Variants in EIPR1 observed in about 807,000 individuals in gnomAD.
EIPR1 encodes EARP and GARP complex-interacting protein 1.
In EIPR1, 25 loss-of-function variants were observed where a neutral mutation model predicts 48.1. That is an observed-to-expected ratio of 0.52 (90% CI 0.38 to 0.73). The LOEUF is 0.73. Among genes scored for constraint, EIPR1 ranks in the 30% least tolerant of loss-of-function variants. EIPR1 has a pLI of 0.00. For missense variants in EIPR1, 415 were observed against 506.2 expected, an observed-to-expected ratio of 0.82 and a Z score of 1.73; for synonymous variants, 204 against 201.9, an observed-to-expected ratio of 1.01 and a Z score of -0.09.
chr2:3,193,183 C>A (rs745997), intron 7 of EIPR1, among the ~76,000 whole-genome samples: 6 of 152,134 alleles, frequency 3.9e-5, no homozygotes, highest in Non-Finnish European at 8.8e-5. Context: ...GCCAGGGGCA[C>A]AGGGAGGCCC....
intron 4 of EIPR1, among the ~76,000 whole-genome samples, chr2:3,228,757 T>C (rs1666146632): frequency 6.6e-6 from 1 of 152,042 alleles, no homozygotes; most frequent in South Asian, 2.1e-4. Context: ...AATGAGTGAG[T>C]CTCATGAGAC....
rs1669939189 is a variant in EIPR1, at chr2:3,332,796, A to G, written c.259+5221T>C. Among the ~76,000 whole-genome samples the G allele has an allele frequency of 4.6e-5, 7 of 152,334 alleles. 2 individuals carry two copies. The South Asian group carries it at 1.2e-3, about 27-fold the overall frequency. Reference sequence around the variant, plus strand: ...TTGTGCTACAACTCCCCCTTCCACCAACTCCAAGAATGTCTTTTTCACAAT... The same window carrying G: ...TTGTGCTACAACTCCCCCTTCCACCGACTCCAAGAATGTCTTTTTCACAAT... On this transcript the variant is annotated intron_variant, in intron 3 of 8. Coordinates refer to ENST00000382125, the MANE Select transcript of EIPR1 (RefSeq NM_003310.5).
chr2:3,330,769 A>T (rs1324661102), intron 3 of EIPR1, among the ~76,000 whole-genome samples: 1 of 151,928 alleles, frequency 6.6e-6, no homozygotes, highest in Non-Finnish European at 1.5e-5. Context: ...TGGTGTGAGC[A>T]GAGGCAAGCG....
intron 3 of EIPR1, 95 bp downstream of exon 3, chr2:3,337,922 A>T: frequency 7.4e-7 from 1 of 1,342,616 alleles, no homozygotes; most frequent in Non-Finnish European, 1.0e-6. Flanking sequence ...AAATCTTTTC[A>T]GTCATGTGTC....
intron 3 of EIPR1, among the ~76,000 whole-genome samples, chr2:3,333,906 G>A (rs1048259438): frequency 2.6e-5 from 4 of 152,142 alleles, no homozygotes; most frequent in African/African-American, 9.7e-5. Context: ...CCCTCTCCAC[G>A]TGCGGTTCTA....
intron 3 of EIPR1, chr2:3,319,775 T>C (rs1289721863): frequency 5.9e-4 from 39 of 66,550 alleles, no homozygotes; most frequent in East Asian, 6.4e-4. Flanking sequence ...GGCAGGGCAA[T>C]ACTGCACCTG....
chr2:3,317,155 G>T (rs975279319), intron 3 of EIPR1, among the ~76,000 whole-genome samples: 2 of 150,242 alleles, frequency 1.3e-5, no homozygotes, highest in Non-Finnish European at 3.0e-5. Flanking sequence ...AGCGCATGAG[G>T]CACTGACCAA....
chr2:3,357,186 G>T (rs1670749660), intron 1 of EIPR1, among the ~76,000 whole-genome samples: 1 of 152,200 alleles, frequency 6.6e-6, no homozygotes, highest in Non-Finnish European at 1.5e-5. Context: ...CCCTTGAGCA[G>T]CTGCTCGGCC....
intron 3 of EIPR1, among the ~76,000 whole-genome samples, chr2:3,275,922 C>T (rs1444620176): frequency 1.3e-5 from 2 of 152,140 alleles, no homozygotes; most frequent in Non-Finnish European, 2.9e-5. Context: ...TGCCTCAGGT[C>T]CCACAACTGC....
At chr2:3,247,873 C>A in intron 4 of EIPR1, among the ~76,000 whole-genome samples, 1 of 152,176 alleles carries the variant, frequency 6.6e-6, no homozygotes, top group East Asian at 1.9e-4. Flanking sequence ...GTATTCATCT[C>A]ATTTAGCCTC....
chr2:3,267,314 C>G (rs765820576), intron 3 of EIPR1, among the ~76,000 whole-genome samples: 32 of 152,220 alleles, frequency 2.1e-4, no homozygotes, highest in Non-Finnish European at 4.0e-4. Context: ...TGAAAATAGT[C>G]AACCAAAAGC....
intron 3 of EIPR1, among the ~76,000 whole-genome samples, chr2:3,332,536 C>G (rs1418978518): frequency 3.3e-5 from 5 of 152,232 alleles, no homozygotes; most frequent in African/African-American, 1.2e-4. Context: ...AGCCTGCCAC[C>G]TGCCACCATC....
chr2:3,194,133 C>T lies in EIPR1; in HGVS notation c.687G>A (p.Gln229=), dbSNP rs779623587. ...QIYCIENAHG[Q]LVRDLDFNPN... ...GATTAAAGTCAAGGTCCCGCACCAG[C>T]TGTCCGTGGGCATTCTCTATGCAGT... Residue 229 remains glutamine (Q), a synonymous_variant, in exon 7 of 9, where the codon CAG becomes CAA. Coordinates refer to ENST00000382125, the MANE Select transcript of EIPR1 (RefSeq NM_003310.5). 16 of 1,613,886 alleles carry T rather than the reference C, an allele frequency of 9.9e-6. No homozygotes were observed. The East Asian group carries it at 2.9e-4, about 29-fold the overall frequency.
At chr2:3,343,113 C>T (rs1369308385) in intron 2 of EIPR1, among the ~76,000 whole-genome samples, 2 of 152,186 alleles carry the variant, frequency 1.3e-5, no homozygotes, top group Non-Finnish European at 2.9e-5. Context: ...TCCAGTTAGA[C>T]ACGGCACAGC....
intron 6 of EIPR1, among the ~76,000 whole-genome samples, chr2:3,195,367 T>C (rs983020287): frequency 3.9e-5 from 6 of 152,220 alleles, no homozygotes; most frequent in African/African-American, 1.4e-4. Flanking sequence ...AATGGGAAAC[T>C]TCTGTGCCTT....
intron 4 of EIPR1, among the ~76,000 whole-genome samples, chr2:3,224,737 A>G (rs1200893089): frequency 6.6e-6 from 1 of 152,208 alleles, no homozygotes; most frequent in Non-Finnish European, 1.5e-5. Context: ...CTCCCTCAGT[A>G]ACAGCACTGC....
At chr2:3,291,275 C>T (rs1435504475) in intron 3 of EIPR1, among the ~76,000 whole-genome samples, 1 of 152,178 alleles carries the variant, frequency 6.6e-6, no homozygotes. Context: ...GGCTATCATC[C>T]TATATGAAGA....
At chr2:3,252,969 A>G (rs1417815602) in intron 4 of EIPR1, among the ~76,000 whole-genome samples, 3 of 152,218 alleles carry the variant, frequency 2.0e-5, no homozygotes, top group Admixed American at 6.5e-5. Flanking sequence ...ATTTAACCTC[A>G]AAGGCTGTTT....
intron 3 of EIPR1, among the ~76,000 whole-genome samples, chr2:3,335,571 G>A (rs1451701108): frequency 6.6e-6 from 1 of 152,118 alleles, no homozygotes. Context: ...GCCGGCAAAA[G>A]GTGCTGAGAT....
Sources: allele counts gnomAD v4.1 joint callset (sites outside exome capture counted in the v4.1 genomes callset), GRCh38; gene constraint gnomAD v4.1.1; transcripts MANE v1.5; gene names NCBI Gene and HGNC (gene_info 2026-07-23, HGNC 2026-07-21).